Variants in FOXK1 observed in about 807,000 individuals in gnomAD.
FOXK1 encodes forkhead box protein K1.
Under a neutral mutation model 51.9 loss-of-function variants are expected in FOXK1, and 19 were observed. That is an observed-to-expected ratio of 0.37 (90% CI 0.26 to 0.54). The LOEUF (loss-of-function observed/expected upper bound fraction) is 0.54, where lower values mean the gene tolerates loss of function less well. Among genes scored for constraint, FOXK1 ranks in the 20% least tolerant of loss-of-function variants. FOXK1 has a pLI of 0.87. For missense variants in FOXK1, 870 were observed against 1,032.7 expected (o/e 0.84, Z 2.16); for synonymous variants, 537 against 482.6 (o/e 1.11, Z -1.48).
Position 4,759,049 on chromosome 7 carries a change from A to G in FOXK1, c.1245-2A>G. On this transcript the variant is annotated splice_acceptor_variant, in intron 5 of 8. Coordinates refer to ENST00000328914, the MANE Select transcript of FOXK1 (RefSeq NM_001037165.2). LOFTEE classifies it high-confidence loss of function. ...CTGCCGCGGCCCTTGCCTGTCTTCC[A>G]GGAGCGCTCCAGCTTCGCCCACACA... 6.3e-7 allele frequency: 1 copy of G among 1,588,148 alleles called. No homozygotes were observed. The highest frequency in any genetic ancestry group is 8.5e-7 in the Non-Finnish European group (1 of 1,170,332).
rs531614712 is a variant in FOXK1, at chr7:4,750,592, G to A, written c.747-3867G>A. Among the ~76,000 whole-genome samples, 21 of 151,276 alleles carry A rather than the reference G, an allele frequency of 1.4e-4. No individual in the cohort carries two copies. In the East Asian group the frequency reaches 3.3e-3, roughly 24 times the overall value. ...CAAGTAGCTGGGACTACAAGTGCCC[G>A]CCACCACACCCAGCTAATTTTGTTT... On this transcript the variant is annotated intron_variant, in intron 2 of 8. Coordinates refer to ENST00000328914, the MANE Select transcript of FOXK1 (RefSeq NM_001037165.2).
At chr7:4,702,365 T>C (rs1434058585) in intron 1 of FOXK1, among the ~76,000 whole-genome samples, 1 of 152,020 alleles carries the variant, frequency 6.6e-6, no homozygotes, top group Non-Finnish European at 1.5e-5. Context: ...TTTTTTGAGA[T>C]AGAGTCTCAC....
Position 4,755,538 on chromosome 7 carries a change from A to C in FOXK1, c.1050+155A>C, listed in dbSNP as rs553650409. ...TGAGGCCGAGGCAGGAGGAGGATCAAGACCAGCCTGTGCAACATAGAGAGA... is the reference window on the plus strand; with the variant it reads ...TGAGGCCGAGGCAGGAGGAGGATCACGACCAGCCTGTGCAACATAGAGAGA... On this transcript the variant is annotated intron_variant, in intron 4 of 8. Transcript: ENST00000328914. This position sits in a 1 kb window ranked among gnomAD's most constrained non-coding sequence, Gnocchi z 6.6. Among the ~76,000 whole-genome samples, 12 of 152,284 alleles carry C rather than the reference A, an allele frequency of 7.9e-5. No homozygotes were observed. The highest frequency in any genetic ancestry group is 6.8e-3 in the Middle Eastern group (2 of 294).
At chr7:4,754,920 C>G in intron 3 of FOXK1, 3 of 571,188 alleles carry the variant, frequency 5.3e-6, no homozygotes, top group South Asian at 4.3e-5. Flanking sequence ...AGCCCTTGAG[C>G]AGGATGGCGT....
intron 2 of FOXK1, among the ~76,000 whole-genome samples, chr7:4,752,652 G>A (rs1043420038): frequency 2.0e-5 from 3 of 152,208 alleles, no homozygotes; most frequent in African/African-American, 4.8e-5. Flanking sequence ...GCCTGTGGCC[G>A]GAGATCAGAG....
Position 4,731,263 on chromosome 7 carries a change from C to T in FOXK1, c.561-9575C>T, listed in dbSNP as rs115932444. Among the ~76,000 whole-genome samples, 2,368 of 152,240 alleles carry T rather than the reference C, an allele frequency of 0.016. 52 individuals carry two copies. Among genetic ancestry groups the T allele is most frequent in the African/African-American group, 0.055 (2,277 of 41,522 alleles). On this transcript the variant is annotated intron_variant, in intron 1 of 8. Transcript: ENST00000328914. The surrounding 1 kb of genome is among the most constrained non-coding windows in gnomAD (Gnocchi z 5.3). ...GAGACTCTTGGGGGCCTGGGCCCTG[C>T]GGGACGTTTTCCCCCTGCCTCAGAG...
intron 1 of FOXK1, among the ~76,000 whole-genome samples, chr7:4,686,873 G>GGT (rs1322319410): frequency 6.6e-6 from 1 of 151,474 alleles, no homozygotes; most frequent in Admixed American, 6.6e-5. Context: ...AGGGGGGTGA[G>GGT]GTGTGTGTGT....
rs947548354 is a variant in FOXK1, at chr7:4,721,105, C to T, written c.561-19733C>T. Reference sequence around the variant, plus strand: ...CCGTCCCTTTCTTGCTTTACTCTGTCACTGTTGCCGTAAGTGCTTTCCCGA... The same window carrying T: ...CCGTCCCTTTCTTGCTTTACTCTGTTACTGTTGCCGTAAGTGCTTTCCCGA... On this transcript the variant is annotated intron_variant, in intron 1 of 8. Transcript: ENST00000328914. Among the ~76,000 whole-genome samples the T allele has an allele frequency of 1.1e-4, 16 of 152,194 alleles. 1 individual carries two copies.
chr7:4,689,050 C>G (rs1396468775), intron 1 of FOXK1, among the ~76,000 whole-genome samples: 3 of 151,630 alleles, frequency 2.0e-5, no homozygotes, highest in Non-Finnish European at 4.4e-5. Context: ...CATCTTGGCT[C>G]ATTGCAACCC....
At chr7:4,713,748 TC>T (rs1780203251) in intron 1 of FOXK1, among the ~76,000 whole-genome samples, 2 of 152,128 alleles carry the variant, frequency 1.3e-5, no homozygotes, top group South Asian at 4.1e-4. Flanking sequence ...CCTTGGCCGC[TC>T]AAAGTGTTGG....
At position 4,770,809 on chromosome 7, in the gene FOXK1, T is replaced by C. The variant is rs1371508985; in HGVS notation, c.*8345T>C. 6.6e-6 allele frequency: 1 copy of C among 152,004 alleles called. No individual in the cohort carries two copies. Among genetic ancestry groups the C allele is most frequent in the Non-Finnish European group, 1.5e-5 (1 of 68,048 alleles). 9.4% of individuals were successfully genotyped at this position (152,004 alleles called of 1,614,324 possible). On this transcript the variant is annotated 3_prime_UTR_variant, in exon 9 of 9. Coordinates refer to ENST00000328914, the MANE Select transcript of FOXK1 (RefSeq NM_001037165.2). Reference sequence around the variant, plus strand: ...TATTGAGTTTTTGTTCTTGTTGTTTTAATCTGAACGATTATTCTCCTGTAA... The same window carrying C: ...TATTGAGTTTTTGTTCTTGTTGTTTCAATCTGAACGATTATTCTCCTGTAA...
In FOXK1 at chr7:4,723,772, A is replaced by G. The variant is rs1339788226; in HGVS notation, c.561-17066A>G. ...AGCCTCAACCTCCTGGGCTCAAGCA[A>G]TCCTCCCGCCTCAGCCTCCCAAATA... is the stretch of plus-strand genomic sequence containing the variant. On this transcript the variant is annotated intron_variant, in intron 1 of 8. Transcript: ENST00000328914. The surrounding 1 kb of genome is among the most constrained non-coding windows in gnomAD (Gnocchi z 4.7). Among the ~76,000 whole-genome samples, 1 of 151,772 alleles carries G rather than the reference A, an allele frequency of 6.6e-6. No homozygotes were observed. The highest frequency in any genetic ancestry group is 1.5e-5 in the Non-Finnish European group (1 of 67,938).
chr7:4,743,480 G>A lies in FOXK1; in HGVS notation c.746+2457G>A, dbSNP rs964782020. Among the ~76,000 whole-genome samples the A allele has an allele frequency of 1.3e-5, 2 of 152,196 alleles. No individual in the cohort carries two copies. The highest frequency in any genetic ancestry group is 2.4e-5 in the African/African-American group (1 of 41,450). ...CAGGAGACTGGCTTGAACCCAGGAG[G>A]TGAAGGTTGCAGTGAGCTGAGATCA... On this transcript the variant is annotated intron_variant, in intron 2 of 8. Coordinates refer to ENST00000328914, the MANE Select transcript of FOXK1 (RefSeq NM_001037165.2). The surrounding 1 kb of genome is among the most constrained non-coding windows in gnomAD (Gnocchi z 5.3).
Position 4,762,539 on chromosome 7 carries a change from G to C in FOXK1, c.*75G>C. On this transcript the variant is annotated 3_prime_UTR_variant, in exon 9 of 9. Coordinates refer to ENST00000328914, the MANE Select transcript of FOXK1 (RefSeq NM_001037165.2). The surrounding 1 kb of genome is among the most constrained non-coding windows in gnomAD (Gnocchi z 5.7). ...GCTGGACCCGGCAGCTCAGGCGGCC[G>C]CACCCACAGACGGAGGAGAACAGCC... 5.6e-6 allele frequency: 8 copies of C among 1,434,104 alleles called. No individual in the cohort carries two copies. Among genetic ancestry groups the C allele is most frequent in the Non-Finnish European group, 7.5e-6 (8 of 1,072,346 alleles). The allele number at this position is 1,434,104 out of a possible 1,614,324, so 88.8% of individuals were successfully genotyped here.
At chr7:4,751,978 G>A (rs1262439495) in intron 2 of FOXK1, among the ~76,000 whole-genome samples, 1 of 152,140 alleles carries the variant, frequency 6.6e-6, no homozygotes, top group Non-Finnish European at 1.5e-5. Flanking sequence ...TTTGAGATAA[G>A]GTCTCACTCT....
chr7:4,688,847 T>C (rs1426741038), intron 1 of FOXK1, among the ~76,000 whole-genome samples: 3 of 152,068 alleles, frequency 2.0e-5, no homozygotes, highest in Non-Finnish European at 4.4e-5. Flanking sequence ...TTTGTTTTGC[T>C]TTTTTGCCAG....
Position 4,731,694 on chromosome 7 carries a change from G to A in FOXK1, c.561-9144G>A, listed in dbSNP as rs957144581. Reference sequence around the variant, plus strand: ...AGAATCGCTTGGACCTGGAGGCGGAGGTTGCAGTGAGCTGAGATTGCACCA... The same window carrying A: ...AGAATCGCTTGGACCTGGAGGCGGAAGTTGCAGTGAGCTGAGATTGCACCA... On this transcript the variant is annotated intron_variant, in intron 1 of 8. Transcript: ENST00000328914. The surrounding 1 kb of genome is among the most constrained non-coding windows in gnomAD (Gnocchi z 5.3). Among the ~76,000 whole-genome samples the A allele has an allele frequency of 6.6e-6, 1 of 151,478 alleles. No individual in the cohort carries two copies. Among genetic ancestry groups the A allele is most frequent in the African/African-American group, 2.4e-5 (1 of 41,164 alleles).
In FOXK1 at chr7:4,755,078, GCA is replaced by G; in HGVS notation, c.904-158_904-157del. ...CAAAAATGGTTGTTCCTAGTTGAAT[GCA>G]AGCACATTAATGGGATAGTTGGAGG... On this transcript the variant is annotated intron_variant, in intron 3 of 8. Transcript: ENST00000328914. The surrounding 1 kb of genome is among the most constrained non-coding windows in gnomAD (Gnocchi z 6.6). 1.2e-6 allele frequency: 1 copy of G among 836,300 alleles called. No homozygotes were observed. Among genetic ancestry groups the G allele is most frequent in the Non-Finnish European group, 1.8e-6 (1 of 560,850 alleles). The allele number at this position is 836,300 out of a possible 1,614,324, so 51.8% of individuals were successfully genotyped here.
intron 2 of FOXK1, among the ~76,000 whole-genome samples, chr7:4,744,578 G>T (rs1193817202): frequency 1.3e-5 from 2 of 152,246 alleles, no homozygotes; most frequent in East Asian, 3.8e-4. Flanking sequence ...CCCAGGTCAA[G>T]ATTTCATTCT....
Sources: allele counts gnomAD v4.1 joint callset (sites outside exome capture counted in the v4.1 genomes callset), GRCh38; gene constraint gnomAD v4.1.1; non-coding constraint Gnocchi (gnomAD v3.1); transcripts MANE v1.5; gene names NCBI Gene and HGNC (gene_info 2026-07-23, HGNC 2026-07-21).